The following NMNAT1 variants were observed in gnomAD, a reference collection of about 807,000 sequenced individuals.
NMNAT1 encodes the protein nicotinamide nucleotide adenylyltransferase 1, also known as nicotinamide/nicotinic acid mononucleotide adenylyltransferase 1.
In NMNAT1, 11 loss-of-function variants were observed where a neutral mutation model predicts 16.7. The ratio of observed to expected loss-of-function variants is 0.66; its 90% CI spans 0.41 to 1.09. NMNAT1 has a LOEUF of 1.09. Among genes scored for constraint, NMNAT1 ranks in the 50% least tolerant of loss-of-function variants. The pLI is 0.00. For synonymous variants in NMNAT1, 110 were observed against 119.8 expected (o/e 0.92, Z 0.53); for missense variants, 280 against 332.3 (o/e 0.84, Z 1.22).
the NMNAT1 span, among the ~76,000 whole-genome samples, chr1:9,991,150 A>G: frequency 6.6e-6 from 1 of 151,688 alleles, no homozygotes; most frequent in East Asian, 1.9e-4. Flanking sequence ...GAAGTAAGTA[A>G]GATTTCTGCA....
Position 9,949,160 on chromosome 1 carries a change from C to T in NMNAT1, c.-57+5645C>T, listed in dbSNP as rs182595358. Among the ~76,000 whole-genome samples the T allele has an allele frequency of 5.3e-5, 8 of 150,812 alleles. No homozygotes were observed. In the East Asian group the frequency reaches 1.7e-3, roughly 31 times the overall value. Reference sequence around the variant, plus strand: ...TGGCAGGCACCTGTAATCCCAGCTACGTGGGAGGCTGAGGCAGAATCGCTT... The same window carrying T: ...TGGCAGGCACCTGTAATCCCAGCTATGTGGGAGGCTGAGGCAGAATCGCTT... On this transcript the variant is annotated intron_variant, in intron 1 of 4. Transcript: ENST00000377205.
intron 2 of NMNAT1, among the ~76,000 whole-genome samples, chr1:9,973,446 T>A (rs11804714): frequency 5.3e-5 from 8 of 150,994 alleles, no homozygotes; most frequent in Non-Finnish European, 8.9e-5. Context: ...GGTGGCTTAC[T>A]CCTGGAATCC....
chr1:9,957,465 A>T (rs1641292894), intron 1 of NMNAT1, among the ~76,000 whole-genome samples: 1 of 151,534 alleles, frequency 6.6e-6, no homozygotes. Context: ...GATTACAGGC[A>T]TGCGCCACCA....
Position 9,984,390 on chromosome 1 carries a change from A to AAGAACAAGCTTTGTACAG in NMNAT1, c.*1701_*1718dup, listed in dbSNP as rs1225028606. 3 of 152,238 alleles carry AAGAACAAGCTTTGTACAG rather than the reference A, an allele frequency of 2.0e-5. No homozygotes were observed. The highest frequency in any genetic ancestry group is 7.2e-5 in the African/African-American group (3 of 41,558). 9.4% of individuals were successfully genotyped at this position (152,238 alleles called of 1,614,324 possible). ...ATTTATGGAGCAACAACTTTGTACA[A>AAGAACAAGCTTTGTACAG]AGAACAAGCTTTGTACAGAGAACAA... On this transcript the variant is annotated 3_prime_UTR_variant, in exon 5 of 5. Transcript: ENST00000377205.
At chr1:9,991,180 GCT>G in the NMNAT1 span, among the ~76,000 whole-genome samples, 1 of 113,262 alleles carries the variant, frequency 8.8e-6, no homozygotes, top group African/African-American at 3.1e-5. Flanking sequence ...CTCTTAGTCA[GCT>G]GAATTTTTTT....
intron 1 of NMNAT1, among the ~76,000 whole-genome samples, chr1:9,947,873 A>T (rs1245397841): frequency 6.6e-6 from 1 of 152,102 alleles, no homozygotes; most frequent in Non-Finnish European, 1.5e-5. Flanking sequence ...CTCTCCCTAC[A>T]TTCTGTTTTC....
intron 1 of NMNAT1, among the ~76,000 whole-genome samples, chr1:9,971,651 T>C (rs1641690333): frequency 6.6e-6 from 1 of 151,908 alleles, no homozygotes; most frequent in Non-Finnish European, 1.5e-5. Context: ...GGAATGAGAA[T>C]GTGGAAGGAC....
At chr1:9,982,141 G>C (rs1570716703) in intron 4 of NMNAT1, among the ~76,000 whole-genome samples, 160 bp from the exon 5 acceptor site, 1 of 152,336 alleles carries the variant, frequency 6.6e-6, no homozygotes, top group East Asian at 1.9e-4. Flanking sequence ...GGGATTACAG[G>C]CTAGAGCCAC....
At chr1:9,971,084 G>A (rs953362622) in intron 1 of NMNAT1, among the ~76,000 whole-genome samples, 1 of 152,280 alleles carries the variant, frequency 6.6e-6, no homozygotes, top group South Asian at 2.1e-4. Context: ...GTCGGGGATG[G>A]CTATGTTCCC....
chr1:9,943,322 G>A (rs537886432), upstream of NMNAT1: 1 of 153,850 alleles, frequency 6.5e-6, no homozygotes, highest in African/African-American at 2.4e-5. Flanking sequence ...GCCAGTCCCA[G>A]AGTTTAGGGC....
intron 1 of NMNAT1, among the ~76,000 whole-genome samples, chr1:9,959,111 C>G (rs1276464958): frequency 6.6e-6 from 1 of 152,090 alleles, no homozygotes; most frequent in East Asian, 1.9e-4. Flanking sequence ...GTGGCTTAAG[C>G]CTGTAATCCC....
At chr1:9,991,553 T>C in the NMNAT1 span, among the ~76,000 whole-genome samples, 1 of 152,054 alleles carries the variant, frequency 6.6e-6, no homozygotes, top group African/African-American at 2.4e-5. Flanking sequence ...TCAATGAAAA[T>C]GGCATTTCTC....
At chr1:9,965,201 C>T (rs1641515349) in intron 1 of NMNAT1, among the ~76,000 whole-genome samples, 1 of 148,232 alleles carries the variant, frequency 6.7e-6, no homozygotes, top group Non-Finnish European at 1.5e-5. Context: ...CCTGTAGTCC[C>T]AGATGCTCAG....
At chr1:9,977,882 AG>A (rs1641850394) in intron 3 of NMNAT1, among the ~76,000 whole-genome samples, 1 of 151,740 alleles carries the variant, frequency 6.6e-6, no homozygotes, top group East Asian at 1.9e-4. Context: ...AAAAAGTAAA[AG>A]GGCTGGAGAA....
upstream of NMNAT1, chr1:9,942,991 TG>T (rs1557449625): frequency 2.9e-6 from 1 of 344,674 alleles, no homozygotes; most frequent in East Asian, 7.4e-5. Context: ...GGACACGCCT[TG>T]AGGGATGGCG....
At chr1:9,968,483 CA>C (rs1641610516) in intron 1 of NMNAT1, among the ~76,000 whole-genome samples, 1 of 150,150 alleles carries the variant, frequency 6.7e-6, no homozygotes, top group Non-Finnish European at 1.5e-5. Flanking sequence ...AAAACTGGGA[CA>C]AGGTGGGCAC....
At chr1:9,966,512 C>A (rs1355108935) in intron 1 of NMNAT1, among the ~76,000 whole-genome samples, 1 of 151,796 alleles carries the variant, frequency 6.6e-6, no homozygotes, top group African/African-American at 2.4e-5. Flanking sequence ...ACTCAGGAGG[C>A]TGAGGCAGGA....
intron 1 of NMNAT1, among the ~76,000 whole-genome samples, chr1:9,961,212 C>T (rs2101666162): frequency 6.6e-6 from 1 of 152,168 alleles, no homozygotes; most frequent in East Asian, 1.9e-4. Context: ...AAGCTTATCC[C>T]CAAGTGTAGG....
At chr1:9,950,364 T>A (rs1387640299) in intron 1 of NMNAT1, among the ~76,000 whole-genome samples, 1 of 152,236 alleles carries the variant, frequency 6.6e-6, no homozygotes, top group Non-Finnish European at 1.5e-5. Flanking sequence ...GTGTTGAGAT[T>A]ATAGGCATGA....
Sources: allele counts gnomAD v4.1 joint callset (sites outside exome capture counted in the v4.1 genomes callset), GRCh38; gene constraint gnomAD v4.1.1; transcripts MANE v1.5; gene names NCBI Gene and HGNC (gene_info 2026-07-23, HGNC 2026-07-21).